Variants in PXDNL observed in about 807,000 individuals in gnomAD.
PXDNL encodes the protein probable oxidoreductase PXDNL.
A neutral mutation model predicts 150.8 loss-of-function variants in PXDNL; 145 were observed. The ratio of observed to expected loss-of-function variants is 0.96; its 90% CI spans 0.84 to 1.10. PXDNL has a LOEUF of 1.10. PXDNL is among the 50% of genes least tolerant of loss of function. PXDNL has a pLI of 0.00. For missense variants in PXDNL, 2,087 were observed against 1,873.9 expected (o/e 1.11, Z -2.10); for synonymous variants, 757 against 725.7 (o/e 1.04, Z -0.69).
chr8:51,582,539 C>A (rs1813230998), intron 3 of PXDNL, among the ~76,000 whole-genome samples: 1 of 152,088 alleles, frequency 6.6e-6, no homozygotes, highest in Admixed American at 6.5e-5. Context: ...TCATAGAGTT[C>A]TTTTGAAGGA....
chr8:51,667,397 A>G (rs1302241076), intron 1 of PXDNL, among the ~76,000 whole-genome samples: 1 of 152,186 alleles, frequency 6.6e-6, no homozygotes, highest in Non-Finnish European at 1.5e-5. Context: ...TCAACCCTCC[A>G]TGTTAGTTTT....
At chr8:51,356,781 A>AAGG (rs1806522865) in intron 19 of PXDNL, among the ~76,000 whole-genome samples, 4 of 152,282 alleles carry the variant, frequency 2.6e-5, no homozygotes, top group Admixed American at 6.5e-5. Context: ...TTAAAAGAAA[A>AAGG]TCCAATCAAA....
rs552545795 is a variant in PXDNL at position 51,646,408 on chromosome 8, C to T, written c.236+8281G>A. On this transcript the variant is annotated intron_variant, in intron 2 of 22. Coordinates refer to ENST00000356297, the MANE Select transcript of PXDNL (RefSeq NM_144651.5). ...GTCTGTGGCATTTTGTTGTGATAGCCGTAGCCAGCTAATACAAGTGATAAC... is the reference window on the plus strand; with the variant it reads ...GTCTGTGGCATTTTGTTGTGATAGCTGTAGCCAGCTAATACAAGTGATAAC... Among the ~76,000 whole-genome samples the T allele has an allele frequency of 7.2e-5, 11 of 152,202 alleles. No individual in the cohort carries two copies. The East Asian group carries it at 1.5e-3, about 21-fold the overall frequency.
At chr8:51,433,485 T>A (rs1052286992) in intron 12 of PXDNL, among the ~76,000 whole-genome samples, 2 of 152,044 alleles carry the variant, frequency 1.3e-5, no homozygotes, top group South Asian at 2.1e-4. Context: ...GATTAAGTTT[T>A]TTGTCCATAA....
intron 1 of PXDNL, among the ~76,000 whole-genome samples, chr8:51,802,403 G>A (rs113456788): frequency 2.0e-5 from 3 of 152,162 alleles, no homozygotes; most frequent in African/African-American, 7.2e-5. Context: ...GGTCACATGT[G>A]GTCCAGGATG....
intron 10 of PXDNL, among the ~76,000 whole-genome samples, chr8:51,450,395 C>T (rs1417814013): frequency 6.6e-6 from 1 of 152,168 alleles, no homozygotes; most frequent in African/African-American, 2.4e-5. Context: ...AGGTCTCATC[C>T]TCATTTTACC....
chr8:51,639,307 C>T (rs1814685947), intron 2 of PXDNL, among the ~76,000 whole-genome samples: 1 of 152,066 alleles, frequency 6.6e-6, no homozygotes, highest in Non-Finnish European at 1.5e-5. Flanking sequence ...AAAGCACGAG[C>T]AAACACATTC....
At chr8:51,580,481 T>A (rs1225878378) in intron 3 of PXDNL, among the ~76,000 whole-genome samples, 1 of 152,118 alleles carries the variant, frequency 6.6e-6, no homozygotes, top group Admixed American at 6.6e-5. Flanking sequence ...AAGTCCAAAT[T>A]CCATTCTCTG....
chr8:51,598,278 G>C (rs1370396585), intron 2 of PXDNL, among the ~76,000 whole-genome samples: 4 of 151,974 alleles, frequency 2.6e-5, no homozygotes, highest in Non-Finnish European at 5.9e-5. Context: ...TTTTGAATAG[G>C]AATGATGGGT....
chr8:51,444,069 G>A (rs530416861), intron 12 of PXDNL, among the ~76,000 whole-genome samples: 44 of 152,244 alleles, frequency 2.9e-4, no homozygotes, highest in Admixed American at 2.0e-4. Context: ...GAAAGTATAC[G>A]TATGTAAAGG....
chr8:51,549,364 C>G (rs1349369947), intron 4 of PXDNL, among the ~76,000 whole-genome samples: 2 of 152,024 alleles, frequency 1.3e-5, no homozygotes, highest in East Asian at 1.9e-4. Flanking sequence ...TACGCAATAA[C>G]TGAAGAACAT....
At chr8:51,375,907 A>G (rs576599856) in intron 17 of PXDNL, among the ~76,000 whole-genome samples, 8 of 152,340 alleles carry the variant, frequency 5.3e-5, no homozygotes, top group African/African-American at 1.9e-4. Context: ...AAACAAACAG[A>G]CATAGTTGTG....
chr8:51,564,706 G>T (rs900607109), intron 3 of PXDNL, among the ~76,000 whole-genome samples: 9 of 151,688 alleles, frequency 5.9e-5, no homozygotes, highest in African/African-American at 2.2e-4. Context: ...AGTACAGGGA[G>T]TCATGAAATT....
chr8:51,499,766 T>C lies in PXDNL; in HGVS notation c.385A>G (p.Ile129Val), dbSNP rs1456655280. The change falls in exon 5 of 23, where the codon ATT becomes GTT. Residue 129 changes from isoleucine (I) to valine (V), a missense_variant. By Grantham distance (29) the Ile-to-Val change is conservative. Transcript: ENST00000356297. ...KGLISLEHLY[I>V]HFNQLEMLQP... ...AGCATTTCTAGTTGGTTGAAATGAA[T>C]ATACCTGGAAGGCAAAAAATCAAGT... 1 of 1,612,182 alleles carries C rather than the reference T, an allele frequency of 6.2e-7. No homozygotes were observed. The highest frequency in any genetic ancestry group is 8.5e-7 in the Non-Finnish European group (1 of 1,178,314).
chr8:51,803,637 T>G (rs1283562264), intron 1 of PXDNL, among the ~76,000 whole-genome samples: 1 of 152,194 alleles, frequency 6.6e-6, no homozygotes, highest in Non-Finnish European at 1.5e-5. Context: ...GTTGCACAGC[T>G]GCAAGGGGGG....
intron 19 of PXDNL, among the ~76,000 whole-genome samples, chr8:51,358,246 C>A (rs1172976047): frequency 6.6e-6 from 1 of 152,178 alleles, no homozygotes; most frequent in African/African-American, 2.4e-5. Flanking sequence ...GGGATTTCAT[C>A]TTCTCTCTTC....
intron 17 of PXDNL, among the ~76,000 whole-genome samples, chr8:51,406,836 C>T (rs990235185): frequency 3.3e-5 from 5 of 152,168 alleles, no homozygotes; most frequent in South Asian, 2.1e-4. Context: ...TCAGTCATCT[C>T]GGCTCCCACG....
chr8:51,760,845 CTTTTTTTTTTT>C (rs71237237), intron 1 of PXDNL, among the ~76,000 whole-genome samples: 21 of 45,494 alleles, frequency 4.6e-4, no homozygotes, highest in East Asian at 1.0e-3. Flanking sequence ...ATCACTTAAA[CTTTTTTTTTTT>C]TTTTTTTTTT....
chr8:51,432,156 T>C (rs1809263633), intron 12 of PXDNL, among the ~76,000 whole-genome samples: 1 of 152,226 alleles, frequency 6.6e-6, no homozygotes, highest in African/African-American at 2.4e-5. Context: ...TTTTGGTGTG[T>C]AGGGTGATGT....
Sources: allele counts gnomAD v4.1 joint callset (sites outside exome capture counted in the v4.1 genomes callset), GRCh38; gene constraint gnomAD v4.1.1; transcripts MANE v1.5; gene names NCBI Gene and HGNC (gene_info 2026-07-23, HGNC 2026-07-21).